Variants in BICC1 observed in about 807,000 individuals in gnomAD.
BICC1 encodes the protein BicC family RNA binding protein 1, also known as protein bicaudal C homolog 1.
BICC1 carries 43 observed loss-of-function variants against 111.0 expected under a neutral mutation model. The observed-to-expected ratio is 0.39, with a 90% CI of 0.30 to 0.50. The LOEUF is 0.50. Ranked by LOEUF, BICC1 falls within the 20% of genes least tolerant of loss-of-function variation. BICC1 has a pLI of 0.88. For missense variants in BICC1, 1,091 were observed against 1,203.2 expected, an observed-to-expected ratio of 0.91 and a Z score of 1.38; for synonymous variants, 467 against 434.4, an observed-to-expected ratio of 1.07 and a Z score of -0.93.
chr10:58,734,681 T>C (rs765468462), intron 3 of BICC1, among the ~76,000 whole-genome samples: 4 of 152,220 alleles, frequency 2.6e-5, no homozygotes, highest in African/African-American at 7.2e-5. Context: ...AAATTCTCAG[T>C]GAAGAAGCAA....
At chr10:58,515,753 A>C (rs367821534) in intron 1 of BICC1, among the ~76,000 whole-genome samples, 5 of 152,298 alleles carry the variant, frequency 3.3e-5, no homozygotes, top group African/African-American at 1.2e-4. Flanking sequence ...TGGAGCTGAT[A>C]CTAGGACCTT....
At chr10:58,826,016 T>C (rs1025314202) in intron 20 of BICC1, among the ~76,000 whole-genome samples, 2 of 152,030 alleles carry the variant, frequency 1.3e-5, no homozygotes, top group Non-Finnish European at 2.9e-5. Flanking sequence ...AAAAGGAAAT[T>C]TGAGAAGCCA....
At chr10:58,611,869 C>A (rs557701395) in intron 1 of BICC1, among the ~76,000 whole-genome samples, 1 of 152,160 alleles carries the variant, frequency 6.6e-6, no homozygotes, top group African/African-American at 2.4e-5. Flanking sequence ...AAAAATAAAA[C>A]AATATTTAAG....
intron 2 of BICC1, among the ~76,000 whole-genome samples, chr10:58,636,355 GTCTT>G (rs1837953716): frequency 6.6e-6 from 1 of 152,116 alleles, no homozygotes; most frequent in Admixed American, 6.5e-5. Flanking sequence ...TTTCGTATTT[GTCTT>G]TCTTAATGGG....
chr10:58,793,244 C>T (rs1022683274), intron 8 of BICC1, among the ~76,000 whole-genome samples: 2 of 152,012 alleles, frequency 1.3e-5, no homozygotes, highest in Non-Finnish European at 2.9e-5. Context: ...AAAAAAAGTC[C>T]GGGGCCAAAA....
chr10:58,620,835 G>A lies in BICC1; in HGVS notation c.191-20G>A. 1 of 1,608,070 alleles carries A rather than the reference G, an allele frequency of 6.2e-7. No individual in the cohort carries two copies. The highest frequency in any genetic ancestry group is 8.5e-7 in the Non-Finnish European group (1 of 1,178,344). Reference sequence around the variant, plus strand: ...CATACATTGAAAAAGTATTTTAAATGTGCACATTTTTATTTACAGCTGCTG... The same window carrying A: ...CATACATTGAAAAAGTATTTTAAATATGCACATTTTTATTTACAGCTGCTG... On this transcript the variant is annotated intron_variant, in intron 1 of 20. Transcript: ENST00000373886.
At chr10:58,605,315 T>A (rs1226434910) in intron 1 of BICC1, among the ~76,000 whole-genome samples, 1 of 152,234 alleles carries the variant, frequency 6.6e-6, no homozygotes, top group Non-Finnish European at 1.5e-5. Context: ...GTAGCTGCTT[T>A]TTATTCCTTG....
intron 1 of BICC1, among the ~76,000 whole-genome samples, chr10:58,523,685 TG>T (rs1459600389): frequency 6.6e-6 from 1 of 152,080 alleles, no homozygotes; most frequent in Non-Finnish European, 1.5e-5. Context: ...TTCAACATAG[TG>T]TTGGAAGTTC....
At chr10:58,687,922 A>G (rs1000184583) in intron 2 of BICC1, among the ~76,000 whole-genome samples, 5 of 151,974 alleles carry the variant, frequency 3.3e-5, no homozygotes, top group African/African-American at 1.2e-4. Flanking sequence ...GAAATTACCC[A>G]TCTTCTGTCG....
intron 2 of BICC1, among the ~76,000 whole-genome samples, chr10:58,687,535 G>A (rs1363903861): frequency 6.6e-6 from 1 of 152,172 alleles, no homozygotes; most frequent in Non-Finnish European, 1.5e-5. Flanking sequence ...GAGCTTCCTG[G>A]CCACTTTGTT....
intron 20 of BICC1, chr10:58,823,211 G>A (rs1419387315): frequency 1.0e-6 from 1 of 984,708 alleles, no homozygotes; most frequent in East Asian, 1.1e-4. Context: ...AACATTTCCC[G>A]ACCTATTCTT....
At position 58,745,612 on chromosome 10, in the gene BICC1, C is replaced by CA. The variant is rs1554827823; in HGVS notation, c.308-39388dup. Among the ~76,000 whole-genome samples the CA allele has an allele frequency of 8.4e-4, 112 of 133,950 alleles. 5 individuals are homozygous for CA. The highest frequency in any genetic ancestry group is 3.6e-3 in the Middle Eastern group (1 of 274). 87.9% of individuals were successfully genotyped at this position (133,950 alleles called of 152,430 possible). ...TAAGAGCCCCCCACCGCCCCCCCCC[C>CA]ACATTTTTTTCTGATGGCTCCATTC... On this transcript the variant is annotated intron_variant, in intron 3 of 20. Coordinates refer to ENST00000373886, the MANE Select transcript of BICC1 (RefSeq NM_001080512.3).
intron 2 of BICC1, among the ~76,000 whole-genome samples, chr10:58,685,178 T>C (rs186645916): frequency 3.9e-4 from 60 of 152,250 alleles, no homozygotes; most frequent in African/African-American, 1.3e-3. Context: ...AGTTGAGGGG[T>C]TTTGAGTGAG....
chr10:58,593,373 A>G (rs2132046717), intron 1 of BICC1, among the ~76,000 whole-genome samples: 1 of 152,296 alleles, frequency 6.6e-6, no homozygotes. Flanking sequence ...ACCTCCCAGC[A>G]CAGTGTTCAA....
chr10:58,667,927 G>C (rs1839067419), intron 2 of BICC1, among the ~76,000 whole-genome samples: 1 of 152,054 alleles, frequency 6.6e-6, no homozygotes, highest in Admixed American at 6.6e-5. Flanking sequence ...AGATTAAGCA[G>C]AGGTAAAGCA....
At chr10:58,807,249 A>T (rs759691900) in intron 17 of BICC1, 91 bp downstream of exon 17, 34 of 1,256,896 alleles carry the variant, frequency 2.7e-5, no homozygotes, top group Non-Finnish European at 3.6e-5. Flanking sequence ...TTATGTACCT[A>T]AGGGAAAATG....
At position 58,756,926 on chromosome 10, in the gene BICC1, T is replaced by G. The variant is rs115859484; in HGVS notation, c.308-28075T>G. 7.6e-3 allele frequency among the ~76,000 whole-genome samples: 1,161 copies of G among 152,294 alleles called. 18 individuals carry two copies. Among genetic ancestry groups the G allele is most frequent in the African/African-American group, 0.027 (1,102 of 41,574 alleles). Reference sequence around the variant, plus strand: ...CCTTGGTAGTTGGATTTCAGCAATATCATAGACTTTGATAGTGAAGCATGC... The same window carrying G: ...CCTTGGTAGTTGGATTTCAGCAATAGCATAGACTTTGATAGTGAAGCATGC... On this transcript the variant is annotated intron_variant, in intron 3 of 20. Transcript: ENST00000373886.
At chr10:58,596,937 A>C (rs1464407973) in intron 1 of BICC1, among the ~76,000 whole-genome samples, 1 of 152,226 alleles carries the variant, frequency 6.6e-6, no homozygotes, top group Non-Finnish European at 1.5e-5. Context: ...TTCCATGCTC[A>C]TGGATAGGAA....
At chr10:58,793,396 A>G in intron 8 of BICC1, 88 bp from the exon 9 acceptor site, 4 of 1,208,770 alleles carry the variant, frequency 3.3e-6, no homozygotes, top group Non-Finnish European at 4.7e-6. Flanking sequence ...TCTGTAAAAT[A>G]GTGCATTATT....
Sources: allele counts gnomAD v4.1 joint callset (sites outside exome capture counted in the v4.1 genomes callset), GRCh38; gene constraint gnomAD v4.1.1; transcripts MANE v1.5; gene names NCBI Gene and HGNC (gene_info 2026-07-23, HGNC 2026-07-21).